PLEKHS1: variants seen among roughly 807,000 people sequenced by gnomAD.
PLEKHS1 encodes the protein pleckstrin homology domain containing S1, also known as pleckstrin homology domain-containing family S member 1.
Under a neutral mutation model 51.0 loss-of-function variants are expected in PLEKHS1, and 55 were observed. That is an observed-to-expected ratio of 1.08 (90% confidence interval 0.87 to 1.35). PLEKHS1 has a LOEUF of 1.35. Ranked by LOEUF, PLEKHS1 falls within the 40% of genes most tolerant of loss-of-function variation. The probability of loss-of-function intolerance (pLI) is 0.00; values close to 1 mark genes in which losing one functional copy is unlikely to be tolerated. For missense variants in PLEKHS1, 398 were observed against 423.0 expected (o/e 0.94, Z 0.52); for synonymous variants, 153 against 144.8 (o/e 1.06, Z -0.41).
intron 2 of PLEKHS1, 123 bp downstream of exon 2, chr10:113,755,428 G>GT: frequency 6.9e-7 from 1 of 1,440,832 alleles, no homozygotes; most frequent in Admixed American, 2.6e-5. Flanking sequence ...GTTTTGTTTT[G>GT]TTTGAGACAG....
downstream of PLEKHS1, chr10:113,782,832 A>T (rs1387901267): frequency 6.6e-6 from 1 of 152,310 alleles, no homozygotes; most frequent in East Asian, 1.9e-4. Flanking sequence ...GTGAGAACGC[A>T]TGCCCTTTTG....
In PLEKHS1 at chr10:113,767,463, C is replaced by T. The variant is rs1489678048; in HGVS notation, c.343C>T (p.Leu115Phe). The T allele has an allele frequency of 8.7e-6, 14 of 1,611,610 alleles. No homozygotes were observed. Among genetic ancestry groups the T allele is most frequent in the South Asian group, 1.1e-5 (1 of 90,488 alleles). The change falls in exon 5 of 12, where the codon CTC becomes TTC. Residue 115 changes from leucine (L) to phenylalanine (F), a missense_variant. Physicochemically the swap from Leu to Phe is conservative, Grantham distance 22. Transcript: ENST00000361048. ...CAGAACCACTAACAGGGAATACTTC[C>T]TCATTGGCCACGACAGGTGAGAGAA... is the stretch of plus-strand genomic sequence containing the variant.
At chr10:113,775,712 T>G in intron 10 of PLEKHS1, 53 bp from the exon 11 acceptor site, 13 of 1,284,636 alleles carry the variant, frequency 1.0e-5, no homozygotes, top group South Asian at 1.3e-5. Context: ...AAAGTACAGT[T>G]GAGAGCCAAG....
chr10:113,779,365 T>C (rs1844799088), intron 11 of PLEKHS1, among the ~76,000 whole-genome samples: 1 of 152,028 alleles, frequency 6.6e-6, no homozygotes, highest in South Asian at 2.1e-4. Context: ...GGTCAGGAAT[T>C]CGAGACCAGC....
At chr10:113,764,347 C>T (rs889006438) in intron 2 of PLEKHS1, among the ~76,000 whole-genome samples, 11 of 152,148 alleles carry the variant, frequency 7.2e-5, no homozygotes, top group African/African-American at 2.4e-4. Context: ...AAATCCACCA[C>T]CTCAGCCTCC....
chr10:113,754,566 G>A (rs770468794), intron 1 of PLEKHS1, among the ~76,000 whole-genome samples: 3 of 152,062 alleles, frequency 2.0e-5, no homozygotes, highest in Admixed American at 6.5e-5. Context: ...TCCGCCTCCC[G>A]GGTTCAAGCG....
At chr10:113,771,867 C>A in intron 7 of PLEKHS1, 103 bp from the exon 8 acceptor site, 1 of 1,385,766 alleles carries the variant, frequency 7.2e-7, no homozygotes, top group Non-Finnish European at 9.6e-7. Flanking sequence ...ACCCTCTGGT[C>A]TTTTTTAACC....
At chr10:113,771,700 ACCAC>A (rs1183349852) in intron 7 of PLEKHS1, among the ~76,000 whole-genome samples, 1 of 149,804 alleles carries the variant, frequency 6.7e-6, no homozygotes, top group African/African-American at 2.5e-5. Context: ...AAAAAAGAAT[ACCAC>A]CCACAGGAGA....
intron 11 of PLEKHS1, among the ~76,000 whole-genome samples, chr10:113,778,609 T>C (rs1218991770): frequency 6.6e-6 from 1 of 151,870 alleles, no homozygotes; most frequent in African/African-American, 2.4e-5. Context: ...ATATAACTAG[T>C]TAGTGGCAGG....
At chr10:113,763,126 A>G (rs554160844) in intron 2 of PLEKHS1, among the ~76,000 whole-genome samples, 1 of 152,236 alleles carries the variant, frequency 6.6e-6, no homozygotes, top group South Asian at 2.1e-4. Context: ...AAGCTATGTT[A>G]TAAGGGCATA....
At chr10:113,772,977 A>G (rs974362128) in intron 8 of PLEKHS1, among the ~76,000 whole-genome samples, 4 of 152,202 alleles carry the variant, frequency 2.6e-5, no homozygotes, top group African/African-American at 7.2e-5. Flanking sequence ...GCCATGGACT[A>G]TAGAGAGAAG....
chr10:113,772,380 T>C (rs1281601796), intron 8 of PLEKHS1, among the ~76,000 whole-genome samples: 1 of 152,128 alleles, frequency 6.6e-6, no homozygotes, highest in East Asian at 1.9e-4. Flanking sequence ...CGAGATGACA[T>C]TAGGCCATAC....
chr10:113,768,938 T>C (rs1415117064), intron 6 of PLEKHS1, 48 bp downstream of exon 6: 8 of 1,408,160 alleles, frequency 5.7e-6, no homozygotes, highest in Non-Finnish European at 6.8e-6. Flanking sequence ...AACACAACCC[T>C]CTTTCAATAG....
At chr10:113,755,259 G>C in exon 2 of PLEKHS1, 3 of 1,606,444 alleles carry the variant, frequency 1.9e-6, no homozygotes, top group Non-Finnish European at 2.5e-6. Context: ...CTTTTGACAG[G>C]GGAGGACACA....
intron 1 of PLEKHS1, among the ~76,000 whole-genome samples, chr10:113,753,801 ATATTTG>A (rs1853965149): frequency 6.6e-6 from 1 of 151,940 alleles, no homozygotes; most frequent in Non-Finnish European, 1.5e-5. Flanking sequence ...ATATATATAT[ATATTTG>A]TATTATATAT....
exon 11 of PLEKHS1, chr10:113,775,770 T>A: frequency 6.2e-7 from 1 of 1,611,078 alleles, no homozygotes; most frequent in Non-Finnish European, 8.5e-7. Flanking sequence ...CATAGTAATA[T>A]CCCCGATGAA....
chr10:113,759,044 AAAGTG>A (rs1393645839), intron 2 of PLEKHS1, among the ~76,000 whole-genome samples: 1 of 152,224 alleles, frequency 6.6e-6, no homozygotes, highest in African/African-American at 2.4e-5. Flanking sequence ...AAAGCACAAT[AAAGTG>A]AAGTGCAACA....
chr10:113,760,120 TTC>T (rs368635067), intron 2 of PLEKHS1, among the ~76,000 whole-genome samples: 1 of 152,218 alleles, frequency 6.6e-6, no homozygotes, highest in Non-Finnish European at 1.5e-5. Context: ...TATGAACACT[TTC>T]TGTCTGACAT....
exon 10 of PLEKHS1, chr10:113,774,856 G>C (rs1388485415): frequency 6.2e-7 from 1 of 1,613,896 alleles, no homozygotes; most frequent in African/African-American, 1.3e-5. Context: ...ATGAGTCTGT[G>C]GATAGCAGCA....
Sources: gnomAD v4.1 joint callset for allele counts (sites outside exome capture counted in the v4.1 genomes callset) on GRCh38, gnomAD v4.1.1 for gene constraint, MANE v1.5 for transcripts, NCBI Gene and HGNC (gene_info 2026-07-23, HGNC 2026-07-21) for gene names.